ATE1: variants seen among roughly 807,000 people sequenced by gnomAD.
ATE1 encodes arginyltransferase 1.
In ATE1, 36 loss-of-function variants were observed where a neutral mutation model predicts 70.5. That is an observed-to-expected ratio of 0.51 (90% CI 0.39 to 0.67). The LOEUF (loss-of-function observed/expected upper bound fraction) is 0.67, where lower values mean the gene tolerates loss of function less well. Among genes scored for constraint, ATE1 ranks in the 30% least tolerant of loss-of-function variants. ATE1 has a pLI of 0.00. For missense variants in ATE1, 593 were observed against 629.5 expected (o/e 0.94, Z 0.62); for synonymous variants, 232 against 219.3 (o/e 1.06, Z -0.51).
At chr10:121,776,821 G>C (rs1945765327) in intron 11 of ATE1, among the ~76,000 whole-genome samples, 1 of 152,212 alleles carries the variant, frequency 6.6e-6, no homozygotes, top group Non-Finnish European at 1.5e-5. Flanking sequence ...ACAGTTGAGA[G>C]TTTGGAAAAC....
intron 8 of ATE1, among the ~76,000 whole-genome samples, chr10:121,842,078 C>G (rs989701492): frequency 5.9e-5 from 9 of 152,120 alleles, no homozygotes; most frequent in African/African-American, 2.2e-4. Flanking sequence ...TACACAATCC[C>G]ATTGTATCTT....
chr10:121,894,931 C>G (rs1950720852), intron 7 of ATE1, among the ~76,000 whole-genome samples: 1 of 151,820 alleles, frequency 6.6e-6, no homozygotes, highest in Non-Finnish European at 1.5e-5. Flanking sequence ...ATAAAATGAG[C>G]AAAGGGTTAG....
intron 11 of ATE1, among the ~76,000 whole-genome samples, chr10:121,764,179 A>G (rs551654128): frequency 6.8e-6 from 1 of 147,624 alleles, no homozygotes; most frequent in South Asian, 2.2e-4. Flanking sequence ...TTTCTGCTCA[A>G]TTCTTCTGTG....
chr10:121,887,875 C>CTAA (rs1343323084), intron 7 of ATE1, among the ~76,000 whole-genome samples: 2 of 152,076 alleles, frequency 1.3e-5, no homozygotes, highest in South Asian at 2.1e-4. Context: ...AGAATTTCAG[C>CTAA]TAATAAGTGT....
rs565643106 is a variant in ATE1 at position 121,771,762 on chromosome 10, A to G, written c.1378+18407T>C. Among the ~76,000 whole-genome samples, 15 of 152,340 alleles carry G rather than the reference A, an allele frequency of 9.8e-5. No homozygotes were observed. In the East Asian group the frequency reaches 2.9e-3, roughly 29 times the overall value. On this transcript the variant is annotated intron_variant, in intron 11 of 11. Transcript: ENST00000224652. ...TCCATTCATTTCTATCTGCTCTCAA[A>G]ATGTGGAGACTAAAATGGAATGAGC...
At chr10:121,828,281 C>G (rs1948105009) in intron 10 of ATE1, among the ~76,000 whole-genome samples, 1 of 152,182 alleles carries the variant, frequency 6.6e-6, no homozygotes, top group African/African-American at 2.4e-5. Flanking sequence ...ACTTTCATAC[C>G]TACACCATGT....
chr10:121,819,092 TAAA>T (rs1470128179), intron 10 of ATE1, among the ~76,000 whole-genome samples: 2 of 152,206 alleles, frequency 1.3e-5, no homozygotes, highest in African/African-American at 4.8e-5. Context: ...AATGTGCTGA[TAAA>T]AGAAGATAAT....
At chr10:121,804,167 G>A (rs993059999) in intron 10 of ATE1, among the ~76,000 whole-genome samples, 1 of 152,124 alleles carries the variant, frequency 6.6e-6, no homozygotes, top group Non-Finnish European at 1.5e-5. Context: ...CTTAAACATA[G>A]TTATTTACAG....
At chr10:121,751,516 C>A (rs567245178) in intron 11 of ATE1, among the ~76,000 whole-genome samples, 1 of 152,226 alleles carries the variant, frequency 6.6e-6, no homozygotes, top group Non-Finnish European at 1.5e-5. Context: ...TTAGTCGGTG[C>A]ATAGCAGTAT....
intron 10 of ATE1, among the ~76,000 whole-genome samples, chr10:121,797,010 T>TC (rs1736710525): frequency 6.6e-6 from 1 of 152,224 alleles, no homozygotes; most frequent in South Asian, 2.1e-4. Context: ...AAAATTAAAA[T>TC]CATTTTGATA....
At chr10:121,744,286 A>T (rs1276914328) in intron 11 of ATE1, among the ~76,000 whole-genome samples, 1 of 151,994 alleles carries the variant, frequency 6.6e-6, no homozygotes, top group Non-Finnish European at 1.5e-5. Context: ...GATATCTTTG[A>T]TGAGTATGTT....
At position 121,790,117 on chromosome 10, in the gene ATE1, G is replaced by A. The variant is rs1240266026; in HGVS notation, c.1378+52C>T. 4 of 1,609,268 alleles carry A rather than the reference G, an allele frequency of 2.5e-6. No individual in the cohort carries two copies. The Admixed American group carries it at 6.7e-5, about 27-fold the overall frequency. ...TAAGAGCCACAGCCACACACACATGGATCATAAAAACAAAGCCAATGATTT... is the reference window on the plus strand; with the variant it reads ...TAAGAGCCACAGCCACACACACATGAATCATAAAAACAAAGCCAATGATTT... On this transcript the variant is annotated intron_variant, in intron 11 of 11. Coordinates refer to ENST00000224652, the MANE Select transcript of ATE1 (RefSeq NM_001001976.3).
At chr10:121,759,972 T>A (rs1399433921) in intron 11 of ATE1, among the ~76,000 whole-genome samples, 1 of 151,706 alleles carries the variant, frequency 6.6e-6, no homozygotes, top group Admixed American at 6.6e-5. Context: ...AGAATTATGG[T>A]AAATTTTGTG....
chr10:121,859,886 G>C (rs1032908058), intron 8 of ATE1, among the ~76,000 whole-genome samples: 1 of 152,148 alleles, frequency 6.6e-6, no homozygotes, highest in African/African-American at 2.4e-5. Context: ...AGGTTGCAGC[G>C]AGCAAGATCG....
At chr10:121,795,437 A>G (rs559547449) in intron 10 of ATE1, among the ~76,000 whole-genome samples, 1 of 152,304 alleles carries the variant, frequency 6.6e-6, no homozygotes, top group East Asian at 1.9e-4. Context: ...AACATAAAAA[A>G]TATGACAGTG....
At chr10:121,886,858 G>A (rs1274226979) in intron 7 of ATE1, among the ~76,000 whole-genome samples, 3 of 152,036 alleles carry the variant, frequency 2.0e-5, no homozygotes, top group Admixed American at 1.3e-4. Context: ...ATATATGATT[G>A]TCTGGTCTTT....
At chr10:121,760,576 A>C (rs1944999113) in intron 11 of ATE1, among the ~76,000 whole-genome samples, 1 of 152,228 alleles carries the variant, frequency 6.6e-6, no homozygotes, top group Non-Finnish European at 1.5e-5. Flanking sequence ...CTCATGATAA[A>C]ACTTGCATGG....
intron 10 of ATE1, among the ~76,000 whole-genome samples, chr10:121,820,452 C>T (rs962315120): frequency 1.3e-5 from 2 of 152,138 alleles, no homozygotes; most frequent in African/African-American, 2.4e-5. Flanking sequence ...CTGGCAAATA[C>T]GTTTGATAGC....
At position 121,763,897 on chromosome 10, in the gene ATE1, C is replaced by T. The variant is rs1945163577; in HGVS notation, c.1379-20039G>A. Among the ~76,000 whole-genome samples, 4 of 152,070 alleles carry T rather than the reference C, an allele frequency of 2.6e-5. No homozygotes were observed. The South Asian group carries it at 8.3e-4, about 32-fold the overall frequency. The stretch of plus-strand genomic sequence containing the variant: ...AGCACTGTGGTGCACACCTGTAGTC[C>T]CAGCTACTTGGGAGGCTGAGGCACA... On this transcript the variant is annotated intron_variant, in intron 11 of 11. Transcript: ENST00000224652.
Sources: allele counts gnomAD v4.1 joint callset (sites outside exome capture counted in the v4.1 genomes callset), GRCh38; gene constraint gnomAD v4.1.1; transcripts MANE v1.5; gene names NCBI Gene and HGNC (gene_info 2026-07-23, HGNC 2026-07-21).